The following FAM227B variants were observed in gnomAD, a reference collection of about 807,000 sequenced individuals.
FAM227B encodes the protein protein FAM227B.
FAM227B carries 88 observed loss-of-function variants against 73.8 expected under a neutral mutation model. The ratio of observed to expected loss-of-function variants is 1.19; its 90% CI spans 1.00 to 1.42. The LOEUF is 1.42. FAM227B is among the 40% of genes most tolerant of loss of function. The probability of loss-of-function intolerance (pLI) is 0.00; values close to 1 mark genes in which losing one functional copy is unlikely to be tolerated. For missense variants in FAM227B, 632 were observed against 590.9 expected, an observed-to-expected ratio of 1.07 and a Z score of -0.72; for synonymous variants, 210 against 190.5, an observed-to-expected ratio of 1.10 and a Z score of -0.84.
intron 11 of FAM227B, chr15:49,434,660 G>A (rs1567268642): frequency 1.3e-5 from 2 of 151,042 alleles, no homozygotes; most frequent in African/African-American, 4.9e-5. Flanking sequence ...CAAGGTAAAG[G>A]TTTTTTTTCT....
At chr15:49,396,149 C>T (rs565208977) in intron 11 of FAM227B, 111 of 359,114 alleles carry the variant, frequency 3.1e-4, no homozygotes, top group Middle Eastern at 9.4e-4. Context: ...TCACCGTGTG[C>T]GAGCCGAAGC....
intron 13 of FAM227B, among the ~76,000 whole-genome samples, chr15:49,354,580 T>G (rs2042786354): frequency 6.6e-6 from 1 of 152,182 alleles, no homozygotes; most frequent in African/African-American, 2.4e-5. Context: ...ATCCCGCACC[T>G]GGCTGGAAGG....
rs186226840 is a variant in FAM227B at position 49,527,248 on chromosome 15, A to G, written c.874+14432T>C. On this transcript the variant is annotated intron_variant, in intron 10 of 15. Transcript: ENST00000299338. ...GATGGCTCAAGATATGAAAATCAAT[A>G]ATGTGATATATTATATAAACAGAAT... Among the ~76,000 whole-genome samples, 37 of 152,202 alleles carry G rather than the reference A, an allele frequency of 2.4e-4. No homozygotes were observed. The East Asian group carries it at 6.6e-3, about 27-fold the overall frequency.
intron 5 of FAM227B, among the ~76,000 whole-genome samples, chr15:49,579,583 A>C (rs2075681179): frequency 6.6e-6 from 1 of 152,178 alleles, no homozygotes; most frequent in African/African-American, 2.4e-5. Context: ...GGGAACTTAA[A>C]AAGTTTATTT....
intron 6 of FAM227B, chr15:49,577,067 T>C: frequency 2.4e-6 from 1 of 414,118 alleles, no homozygotes; most frequent in Non-Finnish European, 4.3e-6. Flanking sequence ...GAGGCTGAAG[T>C]GGGTGGATCA....
chr15:49,572,119 A>G (rs1312600803), intron 8 of FAM227B, among the ~76,000 whole-genome samples: 1 of 152,026 alleles, frequency 6.6e-6, no homozygotes, highest in Admixed American at 6.6e-5. Flanking sequence ...TATTGTAAAC[A>G]GAATTGTTTT....
chr15:49,474,689 G>A (rs1302509791), intron 11 of FAM227B, among the ~76,000 whole-genome samples: 1 of 152,134 alleles, frequency 6.6e-6, no homozygotes, highest in Non-Finnish European at 1.5e-5. Context: ...TAGGAACTAG[G>A]CGGCAGAGCA....
At chr15:49,344,008 T>C (rs2041117448) in intron 13 of FAM227B, 1 of 152,236 alleles carries the variant, frequency 6.6e-6, no homozygotes, top group African/African-American at 2.4e-5. Context: ...ATAGTAATAT[T>C]TTTTATCATT....
chr15:49,527,675 GTA>G (rs1470388243), intron 10 of FAM227B, among the ~76,000 whole-genome samples: 1 of 151,812 alleles, frequency 6.6e-6, no homozygotes, highest in Non-Finnish European at 1.5e-5. Flanking sequence ...ATAAAACAGT[GTA>G]CAGAAATCAG....
At chr15:49,433,792 C>T (rs1396376184) in intron 11 of FAM227B, among the ~76,000 whole-genome samples, 1 of 151,650 alleles carries the variant, frequency 6.6e-6, no homozygotes, top group Non-Finnish European at 1.5e-5. Context: ...TTTTTGTTCC[C>T]ACCTGACTGC....
intron 11 of FAM227B, among the ~76,000 whole-genome samples, chr15:49,493,846 A>T (rs1335649563): frequency 6.8e-6 from 1 of 147,428 alleles, no homozygotes; most frequent in African/African-American, 2.5e-5. Flanking sequence ...ACAAATATAT[A>T]AAGGGGTCTG....
At chr15:49,362,094 T>C (rs865814254) in intron 13 of FAM227B, among the ~76,000 whole-genome samples, 1 of 152,162 alleles carries the variant, frequency 6.6e-6, no homozygotes, top group Non-Finnish European at 1.5e-5. Flanking sequence ...AATGGGTTTG[T>C]TTGCTGTGTG....
At chr15:49,547,743 G>A (rs1158903373) in intron 9 of FAM227B, among the ~76,000 whole-genome samples, 1 of 152,162 alleles carries the variant, frequency 6.6e-6, no homozygotes, top group Admixed American at 6.5e-5. Context: ...TTTATATAAT[G>A]ATAAAGCAAT....
intron 11 of FAM227B, among the ~76,000 whole-genome samples, chr15:49,401,618 T>G (rs1375340280): frequency 2.3e-5 from 3 of 128,514 alleles, no homozygotes; most frequent in South Asian, 5.3e-4. Flanking sequence ...CCAACAATGA[T>G]AGACTGGATT....
intron 11 of FAM227B, among the ~76,000 whole-genome samples, chr15:49,391,853 T>C (rs1384187561): frequency 6.6e-6 from 1 of 152,142 alleles, no homozygotes; most frequent in African/African-American, 2.4e-5. Flanking sequence ...CCCTTGCTTA[T>C]AGGCCATTGG....
chr15:49,577,346 A>C, intron 6 of FAM227B: 1 of 369,558 alleles, frequency 2.7e-6, no homozygotes, highest in Non-Finnish European at 5.0e-6. Flanking sequence ...TGCTTCTTTG[A>C]AATTAAGAAC....
In FAM227B at chr15:49,346,322, T is replaced by G. The variant is rs547144726; in HGVS notation, c.1272-10826A>C. 3.3e-5 allele frequency among the ~76,000 whole-genome samples: 5 copies of G among 152,306 alleles called. No homozygotes were observed. In the South Asian group the frequency reaches 8.3e-4, roughly 25 times the overall value. On this transcript the variant is annotated intron_variant, in intron 13 of 15. Transcript: ENST00000299338. ...CAGGTTGTGCTAACACGATTTTCTATACATATGTCCTACAAAATGCTATGA... is the reference window on the plus strand; with the variant it reads ...CAGGTTGTGCTAACACGATTTTCTAGACATATGTCCTACAAAATGCTATGA...
intron 13 of FAM227B, 70 bp from the exon 14 acceptor site, chr15:49,335,566 G>C: frequency 8.9e-7 from 1 of 1,117,830 alleles, no homozygotes; most frequent in Non-Finnish European, 1.4e-6. Flanking sequence ...ACCCTTCACA[G>C]AGGAACCAAG....
intron 9 of FAM227B, among the ~76,000 whole-genome samples, chr15:49,548,494 A>C (rs1187410031): frequency 6.6e-6 from 1 of 152,020 alleles, no homozygotes; most frequent in Non-Finnish European, 1.5e-5. Context: ...TCTTTTCTTG[A>C]TGTGCCTTTG....
Sources: gnomAD v4.1 joint callset for allele counts (sites outside exome capture counted in the v4.1 genomes callset) on GRCh38, gnomAD v4.1.1 for gene constraint, MANE v1.5 for transcripts, NCBI Gene and HGNC (gene_info 2026-07-23, HGNC 2026-07-21) for gene names.